The following TXK variants were observed in gnomAD, a reference collection of about 807,000 sequenced individuals.
TXK encodes tyrosine-protein kinase TXK.
Under a neutral mutation model 81.0 loss-of-function variants are expected in TXK, and 60 were observed. That is an observed-to-expected ratio of 0.74 (90% CI 0.60 to 0.92). The LOEUF (loss-of-function observed/expected upper bound fraction) is 0.92, where lower values mean the gene tolerates loss of function less well. Among genes scored for constraint, TXK ranks in the 40% least tolerant of loss-of-function variants. TXK has a pLI of 0.00. For synonymous variants in TXK, 203 were observed against 210.7 expected (o/e 0.96, Z 0.32); for missense variants, 581 against 638.3 (o/e 0.91, Z 0.97).
intron 13 of TXK, 149 bp downstream of exon 13, chr4:48,073,786 C>T (rs768922257): frequency 1.3e-5 from 7 of 554,800 alleles, no homozygotes; most frequent in South Asian, 8.4e-5. Context: ...CAAAGACAGT[C>T]GGGATGTGGT....
At chr4:48,076,524 T>C in intron 11 of TXK, 58 bp from the exon 12 acceptor site, 1 of 1,488,758 alleles carries the variant, frequency 6.7e-7, no homozygotes, top group African/African-American at 1.4e-5. Context: ...CAAGAGTTTT[T>C]CCTCTCCTTT....
intron 10 of TXK, among the ~76,000 whole-genome samples, chr4:48,080,356 T>C (rs1484358293): frequency 6.6e-6 from 1 of 152,188 alleles, no homozygotes; most frequent in South Asian, 2.1e-4. Flanking sequence ...AGACAGAATA[T>C]ACACTATATT....
intron 10 of TXK, among the ~76,000 whole-genome samples, chr4:48,082,463 A>C (rs1335592889): frequency 6.6e-6 from 1 of 152,214 alleles, no homozygotes; most frequent in Non-Finnish European, 1.5e-5. Context: ...AGAGTAACCA[A>C]GACATTCCTT....
chr4:48,077,404 C>A (rs1717114313), intron 11 of TXK, among the ~76,000 whole-genome samples: 1 of 152,008 alleles, frequency 6.6e-6, no homozygotes, highest in Admixed American at 6.6e-5. Flanking sequence ...CAAGTCCTAG[C>A]AATGACCAAA....
At chr4:48,091,751 C>A (rs145025941) in intron 8 of TXK, among the ~76,000 whole-genome samples, 6,473 of 152,196 alleles carry the variant, frequency 0.043, 447 homozygotes, top group African/African-American at 0.14. Flanking sequence ...GTGATCCACC[C>A]ACCTTGGCCT....
chr4:48,103,704 G>A (rs1718291051), intron 6 of TXK, among the ~76,000 whole-genome samples: 1 of 152,176 alleles, frequency 6.6e-6, no homozygotes, highest in Non-Finnish European at 1.5e-5. Flanking sequence ...AGGCAGCTTT[G>A]TGTTGGTTTG....
Position 48,067,635 on chromosome 4 carries a change from G to C in TXK, c.*2C>G, listed in dbSNP as rs777214729. 7 of 1,613,738 alleles carry C rather than the reference G, an allele frequency of 4.3e-6. No individual in the cohort carries two copies. The African/African-American group carries it at 8.0e-5, about 18-fold the overall frequency. ...CTCTTTGGGTTGGCATTCTGTTTCC[G>C]GTCACCAGGTTTCCGCAATCTCTGT... On this transcript the variant is annotated 3_prime_UTR_variant, in exon 15 of 15. Coordinates refer to ENST00000264316, the MANE Select transcript of TXK (RefSeq NM_003328.3).
chr4:48,133,307 G>A (rs1417776042), intron 1 of TXK, among the ~76,000 whole-genome samples: 1 of 151,996 alleles, frequency 6.6e-6, no homozygotes, highest in Non-Finnish European at 1.5e-5. Flanking sequence ...ACAGATAACA[G>A]TGTCTAGGGA....
At chr4:48,128,102 A>T (rs893477819) in intron 1 of TXK, among the ~76,000 whole-genome samples, 1 of 152,192 alleles carries the variant, frequency 6.6e-6, no homozygotes, top group African/African-American at 2.4e-5. Flanking sequence ...CTCATGTCTA[A>T]TGTTTTGAAG....
rs1409239473 is a variant in TXK at position 48,066,443 on chromosome 4, T to C, written c.*1194A>G. Reference sequence around the variant, plus strand: ...ATTGAATGTCATTGATATATAAAGATACCATTCTTTGAGTGGGGGAAATAT... The same window carrying C: ...ATTGAATGTCATTGATATATAAAGACACCATTCTTTGAGTGGGGGAAATAT... On this transcript the variant is annotated 3_prime_UTR_variant, in exon 15 of 15. Transcript: ENST00000264316. 6.6e-6 allele frequency: 1 copy of C among 152,210 alleles called. No homozygotes were observed. Among genetic ancestry groups the C allele is most frequent in the Non-Finnish European group, 1.5e-5 (1 of 68,030 alleles). The allele number at this position is 152,210 out of a possible 1,614,324, so 9.4% of individuals were successfully genotyped here. A position where few individuals can be genotyped will look rare whatever the true frequency, so the allele number is the denominator to read the frequency against.
At chr4:48,095,362 T>A in intron 6 of TXK, 140 bp from the exon 7 acceptor site, 1 of 624,870 alleles carries the variant, frequency 1.6e-6, no homozygotes, top group Non-Finnish European at 2.7e-6. Flanking sequence ...AATTAGATTG[T>A]CTTTACAAGT....
chr4:48,107,583 C>G (rs1259253812), intron 5 of TXK, among the ~76,000 whole-genome samples: 1 of 151,752 alleles, frequency 6.6e-6, no homozygotes, highest in Non-Finnish European at 1.5e-5. Context: ...GGTACATGTA[C>G]AGGATATTCA....
intron 1 of TXK, among the ~76,000 whole-genome samples, chr4:48,122,684 C>T (rs140773295): frequency 2.6e-5 from 4 of 152,286 alleles, no homozygotes; most frequent in African/African-American, 7.2e-5. Context: ...ACAATGAATA[C>T]TCAATAAATA....
intron 6 of TXK, among the ~76,000 whole-genome samples, chr4:48,096,280 TG>T (rs1717975440): frequency 6.6e-6 from 1 of 152,194 alleles, no homozygotes; most frequent in Non-Finnish European, 1.5e-5. Context: ...GGACACAAGA[TG>T]TAAAAGACAA....
intron 8 of TXK, among the ~76,000 whole-genome samples, chr4:48,092,960 T>C (rs1361100219): frequency 2.0e-5 from 3 of 152,224 alleles, no homozygotes; most frequent in African/African-American, 4.8e-5. Flanking sequence ...CAGGAATGGA[T>C]GCTCACCGTG....
rs946409651 is a variant in TXK at position 48,067,009 on chromosome 4, A to G, written c.*628T>C. The G allele has an allele frequency of 2.6e-5, 4 of 152,402 alleles. No homozygotes were observed. The highest frequency in any genetic ancestry group is 5.9e-5 in the Non-Finnish European group (4 of 68,082). 9.4% of individuals were successfully genotyped at this position (152,402 alleles called of 1,614,324 possible). A position where few individuals can be genotyped will look rare whatever the true frequency, so the allele number is the denominator to read the frequency against. On this transcript the variant is annotated 3_prime_UTR_variant, in exon 15 of 15. Transcript: ENST00000264316. ...GTGAGCTTTGGCTACATTTTATAACAGTGTTTAAAACTCGAATGCAAAAAA... is the reference window on the plus strand; with the variant it reads ...GTGAGCTTTGGCTACATTTTATAACGGTGTTTAAAACTCGAATGCAAAAAA...
At chr4:48,082,982 GT>G (rs1273096624) in intron 10 of TXK, among the ~76,000 whole-genome samples, 5 of 152,294 alleles carry the variant, frequency 3.3e-5, no homozygotes, top group Admixed American at 6.5e-5. Flanking sequence ...CATCCTTCAA[GT>G]TTGTGTGTGA....
At chr4:48,078,928 A>T (rs960966885) in intron 11 of TXK, among the ~76,000 whole-genome samples, 9 of 152,232 alleles carry the variant, frequency 5.9e-5, no homozygotes, top group Non-Finnish European at 1.2e-4. Context: ...AGAAAGGTGG[A>T]AGGAAAGAAA....
chr4:48,069,241 G>A (rs1477430458), intron 14 of TXK, among the ~76,000 whole-genome samples: 1 of 152,118 alleles, frequency 6.6e-6, no homozygotes, highest in Admixed American at 6.6e-5. Flanking sequence ...GGTCAAGGCT[G>A]CAGTGAGATG....
Sources: allele counts gnomAD v4.1 joint callset (sites outside exome capture counted in the v4.1 genomes callset), GRCh38; gene constraint gnomAD v4.1.1; transcripts MANE v1.5; gene names NCBI Gene and HGNC (gene_info 2026-07-23, HGNC 2026-07-21).